CNOT1: variants seen among roughly 807,000 people sequenced by gnomAD.
CNOT1 encodes the protein CCR4-NOT transcription complex subunit 1.
CNOT1 carries 15 observed loss-of-function variants against 273.8 expected under a neutral mutation model. That is an observed-to-expected ratio of 0.05 (90% CI 0.04 to 0.08). The LOEUF (loss-of-function observed/expected upper bound fraction) is 0.08, where lower values mean the gene tolerates loss of function less well. Among genes scored for constraint, CNOT1 ranks in the 10% least tolerant of loss-of-function variants. The pLI is 1.00. For synonymous variants in CNOT1, 1,022 were observed against 1,005.5 expected, an observed-to-expected ratio of 1.02 and a Z score of -0.31; for missense variants, 1,644 against 2,912.2, an observed-to-expected ratio of 0.56 and a Z score of 10.02.
intron 31 of CNOT1, 182 bp downstream of exon 31, chr16:58,543,423 AAC>A (rs757536811): frequency 2.0e-6 from 3 of 1,490,642 alleles, no homozygotes; most frequent in African/African-American, 1.4e-5. Context: ...AAAAAAAAAA[AAC>A]ACACAGACAT....
At chr16:58,551,367 C>T in intron 23 of CNOT1, 95 bp from the exon 24 acceptor site, 3 of 1,338,138 alleles carry the variant, frequency 2.2e-6, no homozygotes, top group Middle Eastern at 2.5e-4. Context: ...TTAAAAAATA[C>T]ACATGGTATG....
chr16:58,540,499 G>C (rs182604078), intron 34 of CNOT1, among the ~76,000 whole-genome samples: 1 of 152,312 alleles, frequency 6.6e-6, no homozygotes, highest in East Asian at 1.9e-4. Flanking sequence ...ATTCAGAAGT[G>C]TTATGGTCAT....
chr16:58,521,234 G>T lies in CNOT1; in HGVS notation c.7001C>A (p.Ala2334Glu). The T allele has an allele frequency of 6.2e-7, 1 of 1,614,038 alleles. No homozygotes were observed. Among genetic ancestry groups the T allele is most frequent in the Non-Finnish European group, 8.5e-7 (1 of 1,180,016 alleles). ...ITFIELIKNP[A>E]FKFWNHEFVH... The stretch of plus-strand genomic sequence containing the variant: ...AAATTCATGGTTCCAGAACTTAAAC[G>T]CTGGGTTTTTAATCAGCTCAATGAA... Residue 2334 changes from alanine (A) to glutamate (E), a missense_variant, in exon 48 of 49, where the codon GCG becomes GAG. Physicochemically the swap from Ala to Glu is moderately radical, Grantham distance 107. Transcript: ENST00000317147.
intron 1 of CNOT1, among the ~76,000 whole-genome samples, chr16:58,608,687 G>C (rs181496203): frequency 6.6e-6 from 1 of 151,824 alleles, no homozygotes; most frequent in Non-Finnish European, 1.5e-5. Context: ...AGCACAATTC[G>C]CAATTGCAAA....
rs1439107627 is a variant in CNOT1 at position 58,584,834 on chromosome 16, A to C, written c.806+504T>G. The stretch of plus-strand genomic sequence containing the variant: ...ATAATTTGCTTTTAGAAAAATATTA[A>C]TAATCCAGTGTATCACAGTCTTAAG... On this transcript the variant is annotated intron_variant, in intron 8 of 48. Transcript: ENST00000317147. 2.6e-5 allele frequency among the ~76,000 whole-genome samples: 4 copies of C among 152,334 alleles called. No homozygotes were observed. In the East Asian group the frequency reaches 7.7e-4, roughly 29 times the overall value.
In CNOT1 at chr16:58,576,563, C is replaced by T; in HGVS notation, c.1604G>A (p.Arg535His). 1.2e-6 allele frequency: 2 copies of T among 1,613,866 alleles called. No homozygotes were observed. The highest frequency in any genetic ancestry group is 1.7e-6 in the Non-Finnish European group (2 of 1,179,950). ...WHGQGQSPSI[R>H]QLIMHAMAEW... is the part of the protein sequence containing the mutation. Reference sequence around the variant, plus strand: ...TGCCATTGCATGCATGATAAGTTGGCGAATTGAGGGAGACTGTCCCTAAAA... The same window carrying T: ...TGCCATTGCATGCATGATAAGTTGGTGAATTGAGGGAGACTGTCCCTAAAA... Residue 535 changes from arginine to histidine, a missense_variant, in exon 14 of 49, where the codon CGC (arginine) becomes CAC (histidine). Arg to His is a conservative substitution (Grantham distance 29). Transcript: ENST00000317147.
At chr16:58,540,496 A>C (rs1334106374) in intron 34 of CNOT1, among the ~76,000 whole-genome samples, 2 of 152,226 alleles carry the variant, frequency 1.3e-5, no homozygotes, top group African/African-American at 4.8e-5. Flanking sequence ...AATATTCAGA[A>C]GTGTTATGGT....
At chr16:58,543,168 C>T (rs1301727814) in intron 31 of CNOT1, 7 of 1,422,876 alleles carry the variant, frequency 4.9e-6, no homozygotes, top group South Asian at 1.4e-5. Context: ...AATCATGATA[C>T]CTGAATTATT....
intron 21 of CNOT1, among the ~76,000 whole-genome samples, chr16:58,554,867 C>T (rs961365786): frequency 1.2e-4 from 17 of 138,682 alleles, no homozygotes; most frequent in Admixed American, 7.2e-4. Flanking sequence ...ACTCAGGAGG[C>T]GGAAGGTGCA....
chr16:58,572,605 A>T (rs1282323613), intron 16 of CNOT1, among the ~76,000 whole-genome samples: 1 of 151,840 alleles, frequency 6.6e-6, no homozygotes, highest in Non-Finnish European at 1.5e-5. Context: ...ACATACACAC[A>T]CACACAAAAA....
At chr16:58,575,659 T>C (rs1272868614) in intron 14 of CNOT1, among the ~76,000 whole-genome samples, 1 of 151,884 alleles carries the variant, frequency 6.6e-6, no homozygotes. Context: ...ATTAGCCAGG[T>C]ACGTTGGCAG....
chr16:58,520,907 C>A lies in CNOT1; in HGVS notation c.*51G>T. ...GGATTCTTCAGTCAGTTTATGAACTCGGTGCAGTGAGACCTCTAGACTGAC... is the reference window on the plus strand; with the variant it reads ...GGATTCTTCAGTCAGTTTATGAACTAGGTGCAGTGAGACCTCTAGACTGAC... On this transcript the variant is annotated 3_prime_UTR_variant, in exon 49 of 49. Coordinates refer to ENST00000317147, the MANE Select transcript of CNOT1 (RefSeq NM_016284.5). The A allele has an allele frequency of 6.4e-7, 1 of 1,559,206 alleles. No homozygotes were observed. The highest frequency in any genetic ancestry group is 1.1e-5 in the South Asian group (1 of 90,076).
At chr16:58,572,009 C>G (rs113559734) in intron 16 of CNOT1, among the ~76,000 whole-genome samples, 1 of 151,986 alleles carries the variant, frequency 6.6e-6, no homozygotes, top group African/African-American at 2.4e-5. Flanking sequence ...TTGGGCTGGG[C>G]GTGGTGGTTC....
Position 58,574,148 on chromosome 16 carries a change from G to A in CNOT1, c.1979+461C>T, listed in dbSNP as rs572339641. 6.6e-5 allele frequency among the ~76,000 whole-genome samples: 10 copies of A among 152,078 alleles called. No homozygotes were observed. The East Asian group carries it at 1.2e-3, about 18-fold the overall frequency. On this transcript the variant is annotated intron_variant, in intron 16 of 48. Transcript: ENST00000317147. ...TTAACCAGCTGAGAGTGGGTGGCAC[G>A]TGCCTGTGGTCCCAGGTACTTGGGA...
intron 16 of CNOT1, among the ~76,000 whole-genome samples, chr16:58,573,011 A>G (rs988443853): frequency 2.6e-5 from 4 of 151,878 alleles, no homozygotes; most frequent in Non-Finnish European, 5.9e-5. Context: ...AATATCACTG[A>G]AAAAAATTAA....
Position 58,622,152 on chromosome 16 carries a change from A to G in CNOT1, c.-175+7576T>C, listed in dbSNP as rs1026268133. 4.0e-5 allele frequency among the ~76,000 whole-genome samples: 6 copies of G among 151,308 alleles called. No individual in the cohort carries two copies. The East Asian group carries it at 1.2e-3, about 30-fold the overall frequency. On this transcript the variant is annotated intron_variant, in intron 1 of 48. Transcript: ENST00000317147. ...ACGGTGAAACCCCGTCTCTACTAAA[A>G]AACTATAAAAAATTAGCCAGGCGTG...
In CNOT1 at chr16:58,532,387, A is replaced by G. The variant is rs1293394577; in HGVS notation, c.5904T>C (p.Gly1968=). ...CCTGAAGGAGAACTCCCACTACTAT[A>G]CCAAGGACCTACGTAAAACACAAAT... is the stretch of plus-strand genomic sequence containing the variant. ...TKINLLNKVL[G]IVVGVLLQDH... is the part of the protein sequence containing the mutation. The change falls in exon 41 of 49, where the codon GGT becomes GGC. Residue 1968 remains glycine (G), a synonymous_variant. Coordinates refer to ENST00000317147, the MANE Select transcript of CNOT1 (RefSeq NM_016284.5). 6.2e-7 allele frequency: 1 copy of G among 1,613,258 alleles called. No homozygotes were observed. Among genetic ancestry groups the G allele is most frequent in the East Asian group, 2.2e-5 (1 of 44,840 alleles).
At chr16:58,579,917 G>C (rs1302318513) in intron 12 of CNOT1, among the ~76,000 whole-genome samples, 1 of 152,064 alleles carries the variant, frequency 6.6e-6, no homozygotes, top group Non-Finnish European at 1.5e-5. Flanking sequence ...TAGCTGAAAA[G>C]CATTAGATTT....
At chr16:58,604,365 T>C (rs550910935) in intron 1 of CNOT1, among the ~76,000 whole-genome samples, 2 of 152,362 alleles carry the variant, frequency 1.3e-5, no homozygotes, top group East Asian at 3.9e-4. Context: ...TCATTCACTA[T>C]AAGGGATTTG....
Sources: allele counts gnomAD v4.1 joint callset (sites outside exome capture counted in the v4.1 genomes callset), GRCh38; gene constraint gnomAD v4.1.1; transcripts MANE v1.5; gene names NCBI Gene and HGNC (gene_info 2026-07-23, HGNC 2026-07-21).